SMG6: variants seen among roughly 807,000 people sequenced by gnomAD.
SMG6 encodes telomerase-binding protein EST1A.
Under a neutral mutation model 142.2 loss-of-function variants are expected in SMG6, and 66 were observed. The ratio of observed to expected loss-of-function variants is 0.46; its 90% CI spans 0.38 to 0.57. The LOEUF (loss-of-function observed/expected upper bound fraction) is 0.57. Ranked by LOEUF, SMG6 falls within the 20% of genes least tolerant of loss-of-function variation. The pLI, the probability that SMG6 is intolerant of heterozygous loss-of-function variation, is 0.00. For synonymous variants in SMG6, 779 were observed against 702.4 expected (o/e 1.11, Z -1.72); for missense variants, 1,793 against 1,832.0 (o/e 0.98, Z 0.39).
At chr17:2,222,766 T>C (rs1490800469) in intron 10 of SMG6, among the ~76,000 whole-genome samples, 1 of 152,148 alleles carries the variant, frequency 6.6e-6, no homozygotes, top group Non-Finnish European at 1.5e-5. Context: ...CTTTCCAAGT[T>C]TAAAAAGAAG....
chr17:2,088,780 CAGAGAAACCTTCTGTCTGT>C, intron 13 of SMG6: 1 of 985,432 alleles, frequency 1.0e-6, no homozygotes, highest in South Asian at 4.7e-5. Context: ...CCCAGAGGCA[CAGAGAAACCTTCTGTCTGT>C]AGCTCACTGG....
At chr17:2,175,667 C>T (rs1187312756) in intron 12 of SMG6, among the ~76,000 whole-genome samples, 1 of 152,160 alleles carries the variant, frequency 6.6e-6, no homozygotes, top group East Asian at 1.9e-4. Context: ...GAATCCCTAC[C>T]TCAATGTTGA....
intron 8 of SMG6, among the ~76,000 whole-genome samples, chr17:2,261,297 G>C (rs1474191136): frequency 4.7e-5 from 7 of 147,570 alleles, no homozygotes; most frequent in African/African-American, 7.7e-5. Context: ...CTGGGTGACA[G>C]AGCGAGACTC....
chr17:2,131,793 G>A (rs575333821), intron 13 of SMG6, among the ~76,000 whole-genome samples: 31 of 152,308 alleles, frequency 2.0e-4, no homozygotes, highest in African/African-American at 7.5e-4. Flanking sequence ...GGGCACGGTG[G>A]CACACGCCTG....
intron 8 of SMG6, among the ~76,000 whole-genome samples, chr17:2,275,215 A>G (rs2074622775): frequency 6.6e-6 from 1 of 152,128 alleles, no homozygotes; most frequent in Admixed American, 6.5e-5. Context: ...TGAGGTCAGG[A>G]GTTCAATACC....
intron 10 of SMG6, among the ~76,000 whole-genome samples, chr17:2,219,999 G>A (rs1217463031): frequency 1.3e-5 from 2 of 152,052 alleles, no homozygotes; most frequent in South Asian, 4.1e-4. Context: ...TCGTCTCACT[G>A]CAACCTCCAA....
At chr17:2,214,439 A>AAGGCG (rs1469354547) in intron 10 of SMG6, 1 of 151,530 alleles carries the variant, frequency 6.6e-6, no homozygotes, top group Non-Finnish European at 1.5e-5. Flanking sequence ...CTGCAGAGTG[A>AAGGCG]AGGCGAGGTG....
chr17:2,070,696 C>T (rs1035626062), intron 15 of SMG6, among the ~76,000 whole-genome samples: 2 of 152,326 alleles, frequency 1.3e-5, no homozygotes, highest in South Asian at 2.1e-4. Flanking sequence ...GCACAGGCTA[C>T]AGAACGCTGG....
At chr17:2,124,646 C>T (rs996205759) in intron 13 of SMG6, among the ~76,000 whole-genome samples, 3 of 152,248 alleles carry the variant, frequency 2.0e-5, no homozygotes, top group East Asian at 3.9e-4. Flanking sequence ...TACTCTGAGA[C>T]CTGTGATCTC....
intron 8 of SMG6, among the ~76,000 whole-genome samples, chr17:2,263,014 G>C (rs1305946851): frequency 1.3e-5 from 2 of 152,060 alleles, no homozygotes; most frequent in Admixed American, 1.3e-4. Context: ...ATACTATACT[G>C]TAAGATAAAA....
intron 9 of SMG6, among the ~76,000 whole-genome samples, chr17:2,241,767 T>C (rs1248674505): frequency 2.0e-5 from 3 of 152,228 alleles, no homozygotes; most frequent in Non-Finnish European, 4.4e-5. Flanking sequence ...ATAAGAATTT[T>C]AGAAGTGGAG....
chr17:2,183,273 A>G (rs1163358877), intron 12 of SMG6, among the ~76,000 whole-genome samples: 2 of 151,940 alleles, frequency 1.3e-5, no homozygotes, highest in Non-Finnish European at 2.9e-5. Context: ...AAAGAAAGAA[A>G]AAAGAAAGAA....
intron 8 of SMG6, chr17:2,244,940 G>A: frequency 1.8e-6 from 1 of 553,908 alleles, no homozygotes; most frequent in Non-Finnish European, 3.2e-6. Flanking sequence ...TGAGCAGACA[G>A]CACCCTCTGC....
At chr17:2,107,691 C>T (rs927126574) in intron 13 of SMG6, among the ~76,000 whole-genome samples, 6 of 152,134 alleles carry the variant, frequency 3.9e-5, no homozygotes, top group African/African-American at 1.4e-4. Context: ...GGTTATTTAA[C>T]TTGGAGCTGG....
At chr17:2,138,506 C>T (rs1197726617) in intron 13 of SMG6, among the ~76,000 whole-genome samples, 1 of 152,142 alleles carries the variant, frequency 6.6e-6, no homozygotes, top group Non-Finnish European at 1.5e-5. Flanking sequence ...CCTGACCCCT[C>T]CCAGTTTCAG....
chr17:2,075,233 GTA>G (rs1376873693), intron 15 of SMG6, among the ~76,000 whole-genome samples: 1 of 140,320 alleles, frequency 7.1e-6, no homozygotes, highest in Non-Finnish European at 1.5e-5. Context: ...CTGGGTGGCA[GTA>G]TGAATGGACG....
chr17:2,154,100 G>A (rs2070923492), intron 13 of SMG6, among the ~76,000 whole-genome samples: 1 of 127,628 alleles, frequency 7.8e-6, no homozygotes, highest in African/African-American at 3.0e-5. Flanking sequence ...TGCATGTAGA[G>A]TGTGACGGTG....
At chr17:2,135,196 A>G (rs2070255153) in intron 13 of SMG6, among the ~76,000 whole-genome samples, 1 of 152,234 alleles carries the variant, frequency 6.6e-6, no homozygotes, top group African/African-American at 2.4e-5. Flanking sequence ...TTTTATTTTA[A>G]ATTGACAAAT....
chr17:2,170,730 A>G (rs1011842632), intron 13 of SMG6, among the ~76,000 whole-genome samples: 2 of 152,200 alleles, frequency 1.3e-5, no homozygotes, highest in African/African-American at 4.8e-5. Flanking sequence ...AAAGAGTATG[A>G]GTTTTTGATA....
Sources: allele counts gnomAD v4.1 joint callset (sites outside exome capture counted in the v4.1 genomes callset), GRCh38; gene constraint gnomAD v4.1.1; transcripts MANE v1.5; gene names NCBI Gene and HGNC (gene_info 2026-07-23, HGNC 2026-07-21).